Variants in SAMD4A observed in about 807,000 individuals in gnomAD.
SAMD4A encodes the protein sterile alpha motif domain containing 4A.
In SAMD4A, 33 loss-of-function variants were observed where a neutral mutation model predicts 81.3. The ratio of observed to expected loss-of-function variants is 0.41; its 90% CI spans 0.31 to 0.54. The LOEUF is 0.54. SAMD4A is among the 20% of genes least tolerant of loss of function. SAMD4A has a pLI of 0.37. For synonymous variants in SAMD4A, 389 were observed against 382.1 expected (o/e 1.02, Z -0.21); for missense variants, 854 against 951.1 (o/e 0.90, Z 1.34).
At position 54,790,474 on chromosome 14, in the gene SAMD4A, C is replaced by T. The variant is rs2039240031; in HGVS notation, c.*1530C>T. ...GATTGAGAAACTGTGGTACCTACCA[C>T]AAAGTAATAGCTCTGTTTATGAAGG... On this transcript the variant is annotated 3_prime_UTR_variant, in exon 13 of 13. Transcript: ENST00000554335. The T allele has an allele frequency of 6.6e-6, 1 of 152,136 alleles. No individual in the cohort carries two copies. The highest frequency in any genetic ancestry group is 2.4e-5 in the African/African-American group (1 of 41,406). The allele number at this position is 152,136 out of a possible 1,614,324, so 9.4% of individuals were successfully genotyped here.
chr14:54,717,204 G>T (rs1200797630), intron 3 of SAMD4A, among the ~76,000 whole-genome samples: 1 of 152,064 alleles, frequency 6.6e-6, no homozygotes, highest in African/African-American at 2.4e-5. Flanking sequence ...ATTTTGGGAG[G>T]CCGAGCGGGG....
chr14:54,598,735 G>C (rs531346502), intron 2 of SAMD4A, among the ~76,000 whole-genome samples: 1 of 152,240 alleles, frequency 6.6e-6, no homozygotes, highest in African/African-American at 2.4e-5. Context: ...AAACAAAATA[G>C]ACAATCTGTT....
chr14:54,784,418 C>T (rs753589971), intron 11 of SAMD4A, 119 bp from the exon 12 acceptor site: 7 of 1,603,516 alleles, frequency 4.4e-6, no homozygotes, highest in Admixed American at 3.4e-5. Context: ...TCCATGCCAG[C>T]GCTGACAGTC....
chr14:54,671,534 G>A (rs550340008), intron 2 of SAMD4A, among the ~76,000 whole-genome samples: 1 of 152,332 alleles, frequency 6.6e-6, no homozygotes, highest in South Asian at 2.1e-4. Flanking sequence ...TTGTCCAGGA[G>A]GAAGCACAGC....
chr14:54,566,616 C>A (rs1233050782), upstream of SAMD4A, among the ~76,000 whole-genome samples: 1 of 151,732 alleles, frequency 6.6e-6, no homozygotes. Flanking sequence ...GGGAGCAGCG[C>A]TGCGGACCCC....
rs1555335584 is a variant in SAMD4A, at chr14:54,606,212, T to TGC, written c.196+38102_196+38103dup. Among the ~76,000 whole-genome samples the TGC allele has an allele frequency of 6.4e-3, 968 of 150,366 alleles. 13 individuals are homozygous for TGC. The highest frequency in any genetic ancestry group is 0.023 in the African/African-American group (929 of 41,050). On this transcript the variant is annotated intron_variant, in intron 2 of 12. Transcript: ENST00000554335. ...GTGTGTGTGTGTGTGTGTGTGTGTG[T>TGC]GCGTGCACGTGCACGTGCACGTGTG...
chr14:54,682,564 C>T (rs1480767444), intron 2 of SAMD4A, among the ~76,000 whole-genome samples: 2 of 152,192 alleles, frequency 1.3e-5, no homozygotes, highest in Non-Finnish European at 2.9e-5. Context: ...TAATCCTTGT[C>T]CATACTGTAT....
chr14:54,765,941 G>A (rs1000389873), intron 8 of SAMD4A, among the ~76,000 whole-genome samples: 5 of 152,256 alleles, frequency 3.3e-5, no homozygotes, highest in South Asian at 2.1e-4. Context: ...TGGCCGTATG[G>A]ATTCTTATGT....
At chr14:54,597,298 G>T (rs1272600784) in intron 2 of SAMD4A, among the ~76,000 whole-genome samples, 1 of 151,462 alleles carries the variant, frequency 6.6e-6, no homozygotes, top group Non-Finnish European at 1.5e-5. Flanking sequence ...TTTTGAGATG[G>T]AGTTTTGCTC....
At chr14:54,582,654 C>T (rs929232254) in intron 2 of SAMD4A, among the ~76,000 whole-genome samples, 2 of 152,128 alleles carry the variant, frequency 1.3e-5, no homozygotes, top group African/African-American at 2.4e-5. Context: ...AAAAACATGG[C>T]TCTAAAGGGC....
At chr14:54,732,219 T>C (rs926308483) in intron 3 of SAMD4A, among the ~76,000 whole-genome samples, 3 of 152,208 alleles carry the variant, frequency 2.0e-5, no homozygotes, top group African/African-American at 7.2e-5. Flanking sequence ...AATCTGCTGA[T>C]TTTTTTAAAA....
intron 9 of SAMD4A, 36 bp downstream of exon 9, chr14:54,770,258 G>T: frequency 7.0e-7 from 1 of 1,429,554 alleles, no homozygotes; most frequent in Non-Finnish European, 9.8e-7. Flanking sequence ...ATGCGTAGTG[G>T]TTCCCCTGGC....
chr14:54,583,922 C>T (rs972167363), intron 2 of SAMD4A, among the ~76,000 whole-genome samples: 24 of 152,142 alleles, frequency 1.6e-4, no homozygotes, highest in Non-Finnish European at 3.2e-4. Context: ...GAATTATACA[C>T]CTAGTAATAT....
intron 2 of SAMD4A, among the ~76,000 whole-genome samples, chr14:54,586,807 A>G (rs918127103): frequency 3.3e-5 from 5 of 152,132 alleles, no homozygotes; most frequent in Admixed American, 2.6e-4. Flanking sequence ...TACCAGTACC[A>G]TGCTGTTTTT....
chr14:54,614,494 A>G (rs1387105729), intron 2 of SAMD4A, among the ~76,000 whole-genome samples: 2 of 152,206 alleles, frequency 1.3e-5, no homozygotes, highest in African/African-American at 2.4e-5. Flanking sequence ...ACACGAATGC[A>G]TACCATAAAC....
At chr14:54,595,358 C>T (rs191145196) in intron 2 of SAMD4A, among the ~76,000 whole-genome samples, 72 of 150,898 alleles carry the variant, frequency 4.8e-4, no homozygotes, top group South Asian at 2.1e-3. Context: ...ATCTTCATAG[C>T]GGCAGAGTCA....
intron 2 of SAMD4A, among the ~76,000 whole-genome samples, chr14:54,645,647 C>A (rs1406358977): frequency 6.6e-6 from 1 of 152,148 alleles, no homozygotes; most frequent in Non-Finnish European, 1.5e-5. Context: ...ATATAACTGT[C>A]AACATTATGG....
intron 3 of SAMD4A, among the ~76,000 whole-genome samples, chr14:54,713,532 C>A (rs773958253): frequency 1.9e-4 from 29 of 152,254 alleles, no homozygotes; most frequent in Non-Finnish European, 3.8e-4. Context: ...GGTAGTCATT[C>A]CTTGCTAAAA....
chr14:54,599,273 G>A (rs1458265286), intron 2 of SAMD4A, among the ~76,000 whole-genome samples: 2 of 152,076 alleles, frequency 1.3e-5, no homozygotes, highest in Admixed American at 6.6e-5. Flanking sequence ...TAATAAACAC[G>A]ATTTAAAGAA....
Sources: allele counts gnomAD v4.1 joint callset (sites outside exome capture counted in the v4.1 genomes callset), GRCh38; gene constraint gnomAD v4.1.1; transcripts MANE v1.5; gene names NCBI Gene and HGNC (gene_info 2026-07-23, HGNC 2026-07-21).